Variants in WWOX observed in about 807,000 individuals in gnomAD.
WWOX encodes WW domain containing oxidoreductase.
WWOX carries 69 observed loss-of-function variants against 46.2 expected under a neutral mutation model. The ratio of observed to expected loss-of-function variants is 1.49; its 90% CI spans 1.23 to 1.82. The LOEUF (loss-of-function observed/expected upper bound fraction) is 1.82. WWOX is among the 40% of genes most tolerant of loss of function. The pLI, the probability that WWOX is intolerant of heterozygous loss-of-function variation, is 0.00. For synonymous variants in WWOX, 359 were observed against 202.6 expected (o/e 1.77, Z -6.56); for missense variants, 919 against 542.6 (o/e 1.69, Z -6.89).
intron 8 of WWOX, among the ~76,000 whole-genome samples, chr16:78,619,666 A>C (rs2046128431): frequency 6.6e-6 from 1 of 151,966 alleles, no homozygotes. Context: ...GCACTTCGGG[A>C]GTCCAAGGTA....
chr16:79,094,140 T>C (rs566017817), intron 8 of WWOX, among the ~76,000 whole-genome samples: 34 of 152,336 alleles, frequency 2.2e-4, no homozygotes, highest in African/African-American at 7.2e-4. Context: ...ATTCCTCATT[T>C]ACAAACAACT....
At chr16:78,717,462 G>A (rs1285677657) in intron 8 of WWOX, among the ~76,000 whole-genome samples, 1 of 152,174 alleles carries the variant, frequency 6.6e-6, no homozygotes, top group Non-Finnish European at 1.5e-5. Context: ...GAACAGTGGT[G>A]CTTGGCTTTT....
intron 5 of WWOX, among the ~76,000 whole-genome samples, chr16:78,323,393 C>T (rs1468101994): frequency 1.3e-5 from 2 of 152,198 alleles, no homozygotes; most frequent in African/African-American, 4.8e-5. Context: ...GCGTGAGCCA[C>T]TGCGCCCGGC....
intron 8 of WWOX, among the ~76,000 whole-genome samples, chr16:78,633,862 C>A (rs1000272879): frequency 6.6e-6 from 1 of 151,478 alleles, no homozygotes; most frequent in East Asian, 1.9e-4. Context: ...ACATGTAGGT[C>A]ACCTACGGGA....
At chr16:78,570,394 G>C (rs1057215603) in intron 8 of WWOX, among the ~76,000 whole-genome samples, 4 of 152,088 alleles carry the variant, frequency 2.6e-5, no homozygotes, top group Admixed American at 6.5e-5. Flanking sequence ...CTGCAGCCTC[G>C]GTCTCCTGGG....
In WWOX at chr16:78,197,785, C is replaced by A. The variant is rs374754145; in HGVS notation, c.516+33496C>A. On this transcript the variant is annotated intron_variant, in intron 5 of 8. Coordinates refer to ENST00000566780, the MANE Select transcript of WWOX (RefSeq NM_016373.4). ...GAGATGGCAGTGCAATCAAGACATACTGACAAGGAGAGGAGGTGAGCGACT... is the reference window on the plus strand; with the variant it reads ...GAGATGGCAGTGCAATCAAGACATAATGACAAGGAGAGGAGGTGAGCGACT... Among the ~76,000 whole-genome samples, 45 of 152,236 alleles carry A rather than the reference C, an allele frequency of 3.0e-4. 1 individual carries two copies. In the South Asian group the frequency reaches 9.4e-3, roughly 32 times the overall value.
chr16:79,202,740 C>T (rs1303050280), intron 8 of WWOX: 1 of 152,118 alleles, frequency 6.6e-6, no homozygotes, highest in African/African-American at 2.4e-5. Flanking sequence ...CTGAAATTGC[C>T]TAGAATAGCA....
rs896030981 is a variant in WWOX, at chr16:78,597,296, G to T, written c.1056+164544G>T. On this transcript the variant is annotated intron_variant, in intron 8 of 8. Transcript: ENST00000566780. ...AAGGAGTCAGTCAATCAATTAAACG[G>T]ATACTATTAGCACCTACTGTGTGCC... 3.3e-5 allele frequency among the ~76,000 whole-genome samples: 5 copies of T among 152,202 alleles called. No individual in the cohort carries two copies. In the South Asian group the frequency reaches 8.3e-4, roughly 25 times the overall value.
intron 8 of WWOX, among the ~76,000 whole-genome samples, chr16:78,502,818 C>T (rs2085103097): frequency 6.6e-6 from 1 of 152,180 alleles, no homozygotes; most frequent in East Asian, 1.9e-4. Context: ...TGATTTTTTT[C>T]ATGCTCTACT....
At chr16:79,039,191 C>A (rs1359584814) in intron 8 of WWOX, among the ~76,000 whole-genome samples, 1 of 152,060 alleles carries the variant, frequency 6.6e-6, no homozygotes, top group Non-Finnish European at 1.5e-5. Flanking sequence ...GTTTTGAACC[C>A]AGGACTTTGC....
chr16:79,067,454 C>A (rs548888881), intron 8 of WWOX, among the ~76,000 whole-genome samples: 2 of 152,266 alleles, frequency 1.3e-5, no homozygotes, highest in African/African-American at 4.8e-5. Context: ...GGGCTTCCCT[C>A]CACCTGAGAT....
chr16:78,653,549 A>G (rs1325903909), intron 8 of WWOX, among the ~76,000 whole-genome samples: 1 of 152,252 alleles, frequency 6.6e-6, no homozygotes, highest in Non-Finnish European at 1.5e-5. Context: ...AGAGATACAC[A>G]GGAAGAGAGA....
intron 6 of WWOX, among the ~76,000 whole-genome samples, chr16:78,388,182 C>T (rs1166306746): frequency 1.3e-5 from 2 of 152,134 alleles, no homozygotes; most frequent in Non-Finnish European, 2.9e-5. Flanking sequence ...AGATGCCTGC[C>T]ACCATGGCCT....
intron 6 of WWOX, among the ~76,000 whole-genome samples, chr16:78,397,425 G>C (rs2082312662): frequency 6.6e-6 from 1 of 152,112 alleles, no homozygotes; most frequent in Non-Finnish European, 1.5e-5. Flanking sequence ...AGTGTTTAAT[G>C]GTTCAGCCTG....
intron 8 of WWOX, among the ~76,000 whole-genome samples, chr16:78,863,831 A>T (rs1035387171): frequency 6.6e-6 from 1 of 152,314 alleles, no homozygotes; most frequent in East Asian, 1.9e-4. Flanking sequence ...CTATGTCCAC[A>T]TCCTATAAAT....
intron 8 of WWOX, among the ~76,000 whole-genome samples, chr16:79,088,612 C>T (rs1830651812): frequency 6.6e-6 from 1 of 152,180 alleles, no homozygotes; most frequent in Non-Finnish European, 1.5e-5. Flanking sequence ...AGACTCACTC[C>T]ATGGAGACCA....
chr16:78,546,989 A>G (rs1342979405), intron 8 of WWOX, among the ~76,000 whole-genome samples: 3 of 151,852 alleles, frequency 2.0e-5, no homozygotes, highest in Non-Finnish European at 4.4e-5. Flanking sequence ...TTAGCTGGGC[A>G]TGGTAGTGCA....
chr16:78,856,717 AT>A (rs1162469096), intron 8 of WWOX, among the ~76,000 whole-genome samples: 1 of 152,234 alleles, frequency 6.6e-6, no homozygotes, highest in African/African-American at 2.4e-5. Context: ...CTTTAAAAAA[AT>A]GTACTATCTT....
chr16:78,656,994 G>C (rs1018782860), intron 8 of WWOX, among the ~76,000 whole-genome samples: 4 of 152,142 alleles, frequency 2.6e-5, no homozygotes, highest in African/African-American at 9.7e-5. Flanking sequence ...GGCACATGGT[G>C]GATGAGCGTT....
Sources: gnomAD v4.1 joint callset for allele counts (sites outside exome capture counted in the v4.1 genomes callset) on GRCh38, gnomAD v4.1.1 for gene constraint, MANE v1.5 for transcripts, NCBI Gene and HGNC (gene_info 2026-07-23, HGNC 2026-07-21) for gene names.